UNC80: variants seen among roughly 807,000 people sequenced by gnomAD.
UNC80 encodes unc-80 subunit of NALCN channel complex.
A neutral mutation model predicts 384.6 loss-of-function variants in UNC80; 164 were observed. That is an observed-to-expected ratio of 0.43 (90% confidence interval 0.38 to 0.49). The LOEUF (loss-of-function observed/expected upper bound fraction) is 0.49, where lower values mean the gene tolerates loss of function less well. Ranked by LOEUF, UNC80 falls within the 20% of genes least tolerant of loss-of-function variation. UNC80 has a pLI of 0.00. For synonymous variants in UNC80, 1,486 were observed against 1,527.8 expected (o/e 0.97, Z 0.64); for missense variants, 3,330 against 4,143.0 (o/e 0.80, Z 5.39).
At chr2:209,955,218 A>C (rs2092354398) in intron 48 of UNC80, among the ~76,000 whole-genome samples, 1 of 152,000 alleles carries the variant, frequency 6.6e-6, no homozygotes. Flanking sequence ...CTACGCCTCC[A>C]CCAAAAGGCA....
intron 61 of UNC80, among the ~76,000 whole-genome samples, chr2:209,988,420 A>T (rs146137963): frequency 2.0e-5 from 3 of 152,130 alleles, no homozygotes; most frequent in African/African-American, 7.2e-5. Context: ...TTTTTTTGTA[A>T]TTTTGAAATG....
chr2:209,773,059 A>C, intron 1 of UNC80, 35 bp from the exon 2 acceptor site: 1 of 1,530,630 alleles, frequency 6.5e-7, no homozygotes, highest in Non-Finnish European at 9.0e-7. Flanking sequence ...AATTTTACTT[A>C]TGTTTATTAA....
intron 31 of UNC80, among the ~76,000 whole-genome samples, chr2:209,915,500 A>G (rs1559322702): frequency 6.6e-6 from 1 of 151,854 alleles, no homozygotes; most frequent in Non-Finnish European, 1.5e-5. Flanking sequence ...CATGGCTAGC[A>G]TGGCTTTTGT....
chr2:209,817,957 G>T lies in UNC80; in HGVS notation c.1693+5G>T. On this transcript the variant is annotated splice_donor_5th_base_variant and intron_variant, in intron 11 of 64. Coordinates refer to ENST00000673920, the MANE Select transcript of UNC80 (RefSeq NM_001371986.1). ...GAGAAAACACCGTCAAGGAAGGTGGGTAGGAGGTGGGGCCTACGGGCAGGA... is the reference window on the plus strand; with the variant it reads ...GAGAAAACACCGTCAAGGAAGGTGGTTAGGAGGTGGGGCCTACGGGCAGGA... 3.9e-6 allele frequency: 6 copies of T among 1,551,498 alleles called. No homozygotes were observed. Among genetic ancestry groups the T allele is most frequent in the Non-Finnish European group, 5.2e-6 (6 of 1,146,880 alleles).
At chr2:209,928,651 C>T (rs2090618169) in intron 36 of UNC80, among the ~76,000 whole-genome samples, 2 of 152,140 alleles carry the variant, frequency 1.3e-5, no homozygotes. Flanking sequence ...ATATCCTTCA[C>T]CTCAAACAGT....
chr2:209,870,798 A>C (rs916666469), intron 22 of UNC80, among the ~76,000 whole-genome samples: 2 of 152,204 alleles, frequency 1.3e-5, no homozygotes, highest in African/African-American at 4.8e-5. Context: ...CCAAAAATGT[A>C]AAGTAACCAG....
At position 209,802,120 on chromosome 2, in the gene UNC80, A is replaced by G. The variant is rs182963633; in HGVS notation, c.938+8261A>G. 2.3e-3 allele frequency among the ~76,000 whole-genome samples: 344 copies of G among 152,256 alleles called. 1 individual carries two copies. Among genetic ancestry groups the G allele is most frequent in the Non-Finnish European group, 4.0e-3 (274 of 68,026 alleles). On this transcript the variant is annotated intron_variant, in intron 7 of 64. Transcript: ENST00000673920. ...AAAAGTGTTGAACTTGTAGAAGTAG[A>G]GTAGAATGGTAGTTATCAGAAGCTG...
At chr2:209,803,083 A>G (rs2078663777) in intron 7 of UNC80, among the ~76,000 whole-genome samples, 3 of 152,212 alleles carry the variant, frequency 2.0e-5, no homozygotes, top group Non-Finnish European at 2.9e-5. Flanking sequence ...AATGTGACAC[A>G]ACCACAGGAG....
At chr2:209,934,979 A>T (rs1227760921) in intron 39 of UNC80, among the ~76,000 whole-genome samples, 1 of 152,224 alleles carries the variant, frequency 6.6e-6, no homozygotes, top group Non-Finnish European at 1.5e-5. Flanking sequence ...ATGTTCACAA[A>T]GATTTGTAAT....
intron 21 of UNC80, 31 bp downstream of exon 21, chr2:209,842,477 C>A (rs1180002246): frequency 1.4e-6 from 2 of 1,443,498 alleles, no homozygotes; most frequent in South Asian, 2.5e-5. Context: ...GAATTCTATT[C>A]AACTTTTATC....
chr2:209,802,732 AG>A (rs1225515657), intron 7 of UNC80, among the ~76,000 whole-genome samples: 1 of 152,122 alleles, frequency 6.6e-6, no homozygotes, highest in Admixed American at 6.6e-5. Flanking sequence ...GGGAAAACCC[AG>A]GCACAAGTTA....
chr2:209,800,555 C>G (rs1417370079), intron 7 of UNC80, among the ~76,000 whole-genome samples: 2 of 148,638 alleles, frequency 1.3e-5, no homozygotes, highest in Non-Finnish European at 3.0e-5. Context: ...TCCCTATCTT[C>G]TTCAGTTCTT....
chr2:209,812,443 A>G (rs569309904), intron 7 of UNC80, among the ~76,000 whole-genome samples: 1 of 151,428 alleles, frequency 6.6e-6, no homozygotes, highest in Non-Finnish European at 1.5e-5. Context: ...TGAGCCGTAG[A>G]TTTTTTAATT....
At position 209,885,888 on chromosome 2, in the gene UNC80, C is replaced by G. The variant is rs141162842; in HGVS notation, c.4111-2207C>G. Among the ~76,000 whole-genome samples the G allele has an allele frequency of 4.9e-3, 752 of 152,020 alleles. 7 individuals carry two copies. The highest frequency in any genetic ancestry group is 0.017 in the African/African-American group (703 of 41,460). On this transcript the variant is annotated intron_variant, in intron 25 of 64. Transcript: ENST00000673920. ...CTCCTGATTCTCCTGCCTCAACCTC[C>G]TGCATAGCTGGGACTACAGGCACCT...
At chr2:209,882,261 G>A (rs1389786830) in intron 25 of UNC80, among the ~76,000 whole-genome samples, 1 of 152,046 alleles carries the variant, frequency 6.6e-6, no homozygotes, top group African/African-American at 2.4e-5. Flanking sequence ...CACCGCGCCT[G>A]GCCACGTTTC....
chr2:209,934,351 G>A (rs535706950), intron 39 of UNC80, among the ~76,000 whole-genome samples: 1 of 152,274 alleles, frequency 6.6e-6, no homozygotes, highest in East Asian at 1.9e-4. Context: ...AATATTGTTT[G>A]TATGGCATGG....
chr2:209,788,204 G>T (rs1363084157), intron 5 of UNC80, among the ~76,000 whole-genome samples: 1 of 152,130 alleles, frequency 6.6e-6, no homozygotes, highest in Non-Finnish European at 1.5e-5. Context: ...ATCACCTGAG[G>T]TCAGGAGTTA....
At chr2:209,897,553 C>A (rs1247638137) in intron 28 of UNC80, among the ~76,000 whole-genome samples, 9 of 152,102 alleles carry the variant, frequency 5.9e-5, no homozygotes, top group Admixed American at 3.3e-4. Flanking sequence ...TTTAGAATCA[C>A]CCTGACGATT....
chr2:209,956,093 T>C (rs2124997597), intron 48 of UNC80, among the ~76,000 whole-genome samples: 1 of 152,192 alleles, frequency 6.6e-6, no homozygotes, highest in Middle Eastern at 3.4e-3. Context: ...TTTCTATACC[T>C]TTTTATAAGG....
Sources: gnomAD v4.1 joint callset for allele counts (sites outside exome capture counted in the v4.1 genomes callset) on GRCh38, gnomAD v4.1.1 for gene constraint, MANE v1.5 for transcripts, NCBI Gene and HGNC (gene_info 2026-07-23, HGNC 2026-07-21) for gene names.